The following HOMER3 variants were observed in gnomAD, a reference collection of about 807,000 sequenced individuals.
The protein encoded by HOMER3 is homer protein homolog 3.
HOMER3 carries 34 observed loss-of-function variants against 45.5 expected under a neutral mutation model. That is an observed-to-expected ratio of 0.75 (90% CI 0.57 to 1.00). The LOEUF (loss-of-function observed/expected upper bound fraction) is 1.00, where lower values mean the gene tolerates loss of function less well. Ranked by LOEUF, HOMER3 falls within the 50% of genes least tolerant of loss-of-function variation. The pLI is 0.00. For missense variants in HOMER3, 480 were observed against 497.5 expected (o/e 0.96, Z 0.33); for synonymous variants, 223 against 208.8 (o/e 1.07, Z -0.58).
chr19:18,932,181 G>A, intron 6 of HOMER3, 49 bp from the exon 7 acceptor site: 1 of 1,260,336 alleles, frequency 7.9e-7, no homozygotes, highest in South Asian at 1.4e-5. Context: ...CTGGGGGGCG[G>A]AGTCGGGCGA....
chr19:18,931,479 C>T (rs377478783), intron 8 of HOMER3, 30 bp downstream of exon 8: 43 of 1,611,640 alleles, frequency 2.7e-5, no homozygotes, highest in Admixed American at 5.0e-5. Flanking sequence ...TGAGGGAAGG[C>T]GAGGCCCAGG....
rs2057031902 is a variant in HOMER3, at chr19:18,931,519, G to C, written c.797C>G (p.Thr266Ser). ...SLEQLEALVQ[T>S]KDQEIQTLKS... The stretch of plus-strand genomic sequence containing the variant: ...ACACTTGGCACTCACCTGGTCCTTG[G>C]TTTGCACCAGAGCTTCCAGCTGTTC... The change falls in exon 8 of 10, where the codon ACC becomes AGC. Residue 266 changes from threonine to serine, a missense_variant. Transcript: ENST00000392351. The C allele has an allele frequency of 6.2e-7, 1 of 1,613,564 alleles. No individual in the cohort carries two copies.
chr19:18,939,053 G>C lies in HOMER3; in HGVS notation c.-67-4C>G. The C allele has an allele frequency of 6.8e-7, 1 of 1,461,184 alleles. No homozygotes were observed. The highest frequency in any genetic ancestry group is 2.4e-5 in the East Asian group (1 of 42,010). 90.5% of individuals were successfully genotyped at this position (1,461,184 alleles called of 1,614,324 possible). ...GGCAGGAGCACTGGTTTGGCCCCTA[G>C]GGAGAGAGGAGGGACTATGAGTGTC... On this transcript the variant is annotated splice_polypyrimidine_tract_variant and splice_region_variant and intron_variant, in intron 1 of 9. Coordinates refer to ENST00000392351, the MANE Select transcript of HOMER3 (RefSeq NM_004838.4).
intron 4 of HOMER3, among the ~76,000 whole-genome samples, chr19:18,936,786 G>A (rs1218144396): frequency 5.3e-5 from 8 of 151,680 alleles, no homozygotes; most frequent in East Asian, 1.9e-4. Flanking sequence ...TCAGGAGATC[G>A]AGACCATCCT....
At chr19:18,938,088 A>C (rs928824457) in intron 4 of HOMER3, among the ~76,000 whole-genome samples, 3 of 151,976 alleles carry the variant, frequency 2.0e-5, no homozygotes, top group Admixed American at 2.0e-4. Flanking sequence ...GCTACTCAGG[A>C]GGCTGAGGCA....
chr19:18,929,547 C>A lies in HOMER3; in HGVS notation c.982G>T (p.Ala328Ser). 1 of 1,554,252 alleles carries A rather than the reference C, an allele frequency of 6.4e-7. No homozygotes were observed. Among genetic ancestry groups the A allele is most frequent in the East Asian group, 2.4e-5 (1 of 41,670 alleles). ...GCTGCCCGGCCCACCTCAGCCCGCG[C>A]CCGCTCCCGCTCTGCCCGTGCCTCC... Reference protein sequence around the residue: ...LEEARAERERARAEVGRAAQL... With the variant: ...LEEARAERERSRAEVGRAAQL... Residue 328 changes from alanine to serine, a missense_variant, in exon 10 of 10, where the codon GCG becomes TCG. Transcript: ENST00000392351.
chr19:18,941,011 C>T (rs76918953), intron 1 of HOMER3, 40 bp downstream of exon 1: 12,623 of 152,010 alleles, frequency 0.083, 726 homozygotes, highest in African/African-American at 0.16. Context: ...GACTTCGAGG[C>T]CCCCGCGCTC....
In HOMER3 at chr19:18,941,118, G is replaced by A. The variant is rs1025119213; in HGVS notation, c.-135C>T. Reference sequence around the variant, plus strand: ...GTGCGGCCCCCGCGGCGCTGACTCCGCGCTGCCGGGCGCCCCGCTCGCTCC... The same window carrying A: ...GTGCGGCCCCCGCGGCGCTGACTCCACGCTGCCGGGCGCCCCGCTCGCTCC... On this transcript the variant is annotated 5_prime_UTR_variant, in exon 1 of 10. Coordinates refer to ENST00000392351, the MANE Select transcript of HOMER3 (RefSeq NM_004838.4). 6.7e-6 allele frequency: 1 copy of A among 149,964 alleles called. No individual in the cohort carries two copies. Among genetic ancestry groups the A allele is most frequent in the Non-Finnish European group, 1.5e-5 (1 of 67,074 alleles). 9.3% of individuals were successfully genotyped at this position (149,964 alleles called of 1,614,324 possible).
Position 18,938,569 on chromosome 19 carries a change from C to A in HOMER3, c.172-85G>T, listed in dbSNP as rs2057119419. 3.1e-5 allele frequency: 47 copies of A among 1,527,486 alleles called. No individual in the cohort carries two copies. The South Asian group carries it at 5.5e-4, about 18-fold the overall frequency. 94.6% of individuals were successfully genotyped at this position (1,527,486 alleles called of 1,614,324 possible). A position where few individuals can be genotyped will look rare whatever the true frequency, so the allele number is the denominator to read the frequency against. On this transcript the variant is annotated intron_variant, in intron 3 of 9. Transcript: ENST00000392351. The stretch of plus-strand genomic sequence containing the variant: ...CCCAGGTATTACCTTGTATTAGGGT[C>A]TTGAAGGTCTTTACTCTGAACCCTT...
At chr19:18,934,856 C>T (rs1450290007) in intron 4 of HOMER3, among the ~76,000 whole-genome samples, 1 of 144,870 alleles carries the variant, frequency 6.9e-6, no homozygotes, top group East Asian at 2.0e-4. Flanking sequence ...CAGAATGGCC[C>T]TTTTCCTGTT....
At chr19:18,932,828 C>A (rs1317658122) in intron 6 of HOMER3, 96 bp downstream of exon 6, 4 of 993,838 alleles carry the variant, frequency 4.0e-6, no homozygotes, top group African/African-American at 1.7e-5. Context: ...ACAGTTAGAT[C>A]CCGCCGTCCT....
intron 3 of HOMER3, 91 bp downstream of exon 3, chr19:18,938,636 CT>C: frequency 3.3e-6 from 5 of 1,513,026 alleles, no homozygotes; most frequent in Non-Finnish European, 4.5e-6. Context: ...TTAGGGTTTC[CT>C]GTCCCTTGGG....
In HOMER3 at chr19:18,932,912, C is replaced by A; in HGVS notation, c.533+12G>T. 1 of 705,886 alleles carries A rather than the reference C, an allele frequency of 1.4e-6. No individual in the cohort carries two copies. Among genetic ancestry groups the A allele is most frequent in the South Asian group, 2.5e-5 (1 of 39,734 alleles). The allele number at this position is 705,886 out of a possible 1,614,324, so 43.7% of individuals were successfully genotyped here. A position where few individuals can be genotyped will look rare whatever the true frequency, so the allele number is the denominator to read the frequency against. Reference sequence around the variant, plus strand: ...CCCCGCCCCTGCCACGCCCCCAAGTCCCGCCCCTCACCCCTCAGACAACAT... The same window carrying A: ...CCCCGCCCCTGCCACGCCCCCAAGTACCGCCCCTCACCCCTCAGACAACAT... On this transcript the variant is annotated intron_variant, in intron 6 of 9. Coordinates refer to ENST00000392351, the MANE Select transcript of HOMER3 (RefSeq NM_004838.4).
At chr19:18,932,885 A>ACCCCC in intron 6 of HOMER3, 39 bp downstream of exon 6, 5 of 687,536 alleles carry the variant, frequency 7.3e-6, no homozygotes, top group Non-Finnish European at 1.1e-5. Flanking sequence ...CCCCACCCCT[A>ACCCCC]CCCCCGCCCC....
At position 18,934,312 on chromosome 19, in the gene HOMER3, G is replaced by A. The variant is rs1422176433; in HGVS notation, c.402C>T (p.Ala134=). Residue 134 remains alanine (A), a synonymous_variant, in exon 5 of 10, where the codon GCC becomes GCT. Coordinates refer to ENST00000392351, the MANE Select transcript of HOMER3 (RefSeq NM_004838.4). The part of the protein sequence containing the change: ...GELTSPALGL[A]SHQVPPSPLV... ...AGTAGGGAGTGCTGACCTGGTGGGA[G>A]GCGAGCCCCAGGGCTGGACTGGTGA... The A allele has an allele frequency of 7.8e-6, 12 of 1,529,032 alleles. No homozygotes were observed. In the African/African-American group the frequency reaches 1.3e-4, roughly 16 times the overall value. 94.7% of individuals were successfully genotyped at this position (1,529,032 alleles called of 1,614,324 possible).
intron 4 of HOMER3, among the ~76,000 whole-genome samples, chr19:18,937,848 G>A (rs2057110474): frequency 6.6e-6 from 1 of 152,024 alleles, no homozygotes. Context: ...CCCATTTGAT[G>A]TCCCAAAGAG....
intron 9 of HOMER3, among the ~76,000 whole-genome samples, chr19:18,930,502 A>C (rs1214556375): frequency 3.3e-5 from 5 of 151,690 alleles, no homozygotes; most frequent in Non-Finnish European, 1.5e-5. Context: ...ACTGCACTCC[A>C]GCCTGGGCAA....
chr19:18,930,662 G>A (rs1313641734), intron 9 of HOMER3, among the ~76,000 whole-genome samples: 1 of 152,056 alleles, frequency 6.6e-6, no homozygotes, highest in Admixed American at 6.6e-5. Context: ...ATTGCTCACG[G>A]TCAGGAGTTC....
Position 18,938,859 on chromosome 19 carries a change from C to A in HOMER3, c.40G>T (p.Ala14Ser), listed in dbSNP as rs781077555. 1 of 1,603,460 alleles carries A rather than the reference C, an allele frequency of 6.2e-7. No homozygotes were observed. The highest frequency in any genetic ancestry group is 1.1e-5 in the South Asian group (1 of 89,134). ...AREQPIFSTR[A>S]HVFQIDPATK... is the part of the protein sequence containing the mutation. ...GCTGGGTCAATTTGGAACACGTGCGCCCGTGTGCTGAAGATTGGCTGCTCC... is the reference window on the plus strand; with the variant it reads ...GCTGGGTCAATTTGGAACACGTGCGACCGTGTGCTGAAGATTGGCTGCTCC... Residue 14 changes from alanine to serine, a missense_variant, in exon 3 of 10, where the codon GCG becomes TCG. Physicochemically the swap from Ala to Ser is moderately conservative, Grantham distance 99. Coordinates refer to ENST00000392351, the MANE Select transcript of HOMER3 (RefSeq NM_004838.4).
Sources: gnomAD v4.1 joint callset for allele counts (sites outside exome capture counted in the v4.1 genomes callset) on GRCh38, gnomAD v4.1.1 for gene constraint, MANE v1.5 for transcripts, NCBI Gene and HGNC (gene_info 2026-07-23, HGNC 2026-07-21) for gene names.